Variants in RCCD1 observed in about 807,000 individuals in gnomAD.
RCCD1 encodes the protein RCC1 domain containing 1, also known as RCC1 domain-containing protein 1.
Under a neutral mutation model 37.6 loss-of-function variants are expected in RCCD1, and 40 were observed. The ratio of observed to expected loss-of-function variants is 1.06; its 90% CI spans 0.83 to 1.39. RCCD1 has a LOEUF of 1.39. RCCD1 is among the 40% of genes most tolerant of loss of function. The pLI is 0.00. For missense variants in RCCD1, 577 were observed against 517.3 expected, an observed-to-expected ratio of 1.12 and a Z score of -1.12; for synonymous variants, 263 against 230.0, an observed-to-expected ratio of 1.14 and a Z score of -1.30.
At chr15:90,960,606 C>A (rs1180550101) in intron 6 of RCCD1, 108 bp downstream of exon 6, 17 of 1,052,782 alleles carry the variant, frequency 1.6e-5, no homozygotes, top group Non-Finnish European at 2.3e-5. Flanking sequence ...TCATACAGAG[C>A]AGCTACCTTG....
intron 6 of RCCD1, 180 bp from the exon 7 acceptor site, chr15:90,960,845 C>T (rs962406862): frequency 1.4e-6 from 1 of 702,964 alleles, no homozygotes; most frequent in Middle Eastern, 2.9e-4. Flanking sequence ...CACTTTTTCC[C>T]TCGGGATCCT....
chr15:90,956,557 G>A (rs2037197233), intron 1 of RCCD1, 55 bp from the exon 2 acceptor site: 1 of 552,464 alleles, frequency 1.8e-6, no homozygotes, highest in East Asian at 3.5e-5. Context: ...GCGAACCTTC[G>A]TGGCACGGAC....
Position 90,960,514 on chromosome 15 carries a change from A to T in RCCD1, c.949+16A>T, listed in dbSNP as rs778037341. The T allele has an allele frequency of 3.6e-5, 57 of 1,600,830 alleles. No individual in the cohort carries two copies. The highest frequency in any genetic ancestry group is 4.8e-5 in the Non-Finnish European group (56 of 1,177,006). ...GTGGTGACACGTGAGTGGGGCTGGG[A>T]GGCACTCTGCTCCACTCGAGCTGGT... On this transcript the variant is annotated intron_variant, in intron 6 of 7. Transcript: ENST00000394258.
In RCCD1 at chr15:90,961,781, A is replaced by T; in HGVS notation, c.*12A>T. On this transcript the variant is annotated 3_prime_UTR_variant, in exon 8 of 8. Transcript: ENST00000394258. Reference sequence around the variant, plus strand: ...AAGGGAAGAGCTGACATGTGTACGTATATGTATATGCAACACCTGTGAGAC... The same window carrying T: ...AAGGGAAGAGCTGACATGTGTACGTTTATGTATATGCAACACCTGTGAGAC... 6.2e-7 allele frequency: 1 copy of T among 1,611,074 alleles called. No individual in the cohort carries two copies. The highest frequency in any genetic ancestry group is 1.3e-5 in the African/African-American group (1 of 74,934).
chr15:90,960,801 G>A (rs1188906346), intron 6 of RCCD1: 5 of 649,152 alleles, frequency 7.7e-6, no homozygotes, highest in South Asian at 1.8e-5. Flanking sequence ...GGAAGACTGC[G>A]GCGCTCGGTA....
Position 90,961,348 on chromosome 15 carries a change from C to G in RCCD1, c.980-270C>G, listed in dbSNP as rs181149927. ...AAAGCAGCTTTTTGTGGATGTGACA[C>G]TGGGTGGAGAAAAAGATTCGATGGA... On this transcript the variant is annotated intron_variant, in intron 7 of 7. Transcript: ENST00000394258. 1.2e-4 allele frequency: 69 copies of G among 580,944 alleles called. No homozygotes were observed. The African/African-American group carries it at 1.3e-3, about 11-fold the overall frequency. 36.0% of individuals were successfully genotyped at this position (580,944 alleles called of 1,614,324 possible).
At position 90,961,046 on chromosome 15, in the gene RCCD1, G is replaced by A; in HGVS notation, c.971G>A (p.Trp324Ter). 6.2e-7 allele frequency: 1 copy of A among 1,613,834 alleles called. No homozygotes were observed. Among genetic ancestry groups the A allele is most frequent in the African/African-American group, 1.3e-5 (1 of 75,008 alleles). The stretch of plus-strand genomic sequence containing the variant: ...TCAGGAACAGGGGAGCTCTACACCT[G>A]GGGCTGGGGTAAGTAAAAGGATTGT... ...VVTRTGELYTWGWGKYGQLGH... is the reference protein window; with the variant it reads ...VVTRTGELYT Residue 324 changes from tryptophan (W) to a stop codon, truncating the protein, a stop_gained, in exon 7 of 8, where the codon TGG (tryptophan) becomes TAG (stop). Transcript: ENST00000394258. LOFTEE classifies it high-confidence loss of function.
rs2037318779 is a variant in RCCD1, at chr15:90,961,715, C to T, written c.1077C>T (p.Val359=). Reference sequence around the variant, plus strand: ...ATAAGCAACTCCAAGTAAAGGCTGTCACCTGTGGGCCGTGGAACACCTACG... The same window carrying T: ...ATAAGCAACTCCAAGTAAAGGCTGTTACCTGTGGGCCGTGGAACACCTACG... ...FVDKQLQVKA[V]TCGPWNTYVY... Residue 359 remains valine (V), a synonymous_variant, in exon 8 of 8, where the codon GTC becomes GTT. Coordinates refer to ENST00000394258, the MANE Select transcript of RCCD1 (RefSeq NM_001017919.2). 6 of 1,614,118 alleles carry T rather than the reference C, an allele frequency of 3.7e-6. No homozygotes were observed. Among genetic ancestry groups the T allele is most frequent in the Non-Finnish European group, 5.1e-6 (6 of 1,180,000 alleles).
intron 5 of RCCD1, 134 bp from the exon 6 acceptor site, chr15:90,960,194 T>C: frequency 9.9e-7 from 1 of 1,006,744 alleles, no homozygotes; most frequent in South Asian, 1.6e-5. Context: ...GCCTGCAGAA[T>C]GTAGGGGTTG....
chr15:90,958,825 G>A (rs2037256109), intron 4 of RCCD1, among the ~76,000 whole-genome samples: 2 of 151,442 alleles, frequency 1.3e-5, no homozygotes, highest in African/African-American at 2.4e-5. Flanking sequence ...CCAGCTACTC[G>A]GGAGGCTGAG....
chr15:90,960,288 G>A (rs746951422), intron 5 of RCCD1, 40 bp from the exon 6 acceptor site: 7 of 1,553,204 alleles, frequency 4.5e-6, no homozygotes, highest in Admixed American at 3.7e-5. Flanking sequence ...ATTTAGCTCA[G>A]GGCTCAGTTG....
At position 90,957,665 on chromosome 15, in the gene RCCD1, T is replaced by C. The variant is rs370727106; in HGVS notation, c.619T>C (p.Leu207=). Residue 207 remains leucine, a synonymous_variant, in exon 4 of 8, where the codon TTG becomes CTG. Transcript: ENST00000394258. ...AELEPRLLEA[L]QGLVMAEVAA... ...GCTGGAGCCACGGCTGTTGGAGGCG[T>C]TGCAGGGCCTAGTCATGGCTGAGGT... 8.7e-6 allele frequency: 14 copies of C among 1,614,092 alleles called. No homozygotes were observed. Among genetic ancestry groups the C allele is most frequent in the East Asian group, 4.5e-5 (2 of 44,884 alleles).
In RCCD1 at chr15:90,961,773, G is replaced by T; in HGVS notation, c.*4G>T. 6.2e-7 allele frequency: 1 copy of T among 1,606,716 alleles called. No homozygotes were observed. Among genetic ancestry groups the T allele is most frequent in the African/African-American group, 1.5e-5 (1 of 68,670 alleles). On this transcript the variant is annotated 3_prime_UTR_variant, in exon 8 of 8. Coordinates refer to ENST00000394258, the MANE Select transcript of RCCD1 (RefSeq NM_001017919.2). ...TGTGGAGAAAGGGAAGAGCTGACAT[G>T]TGTACGTATATGTATATGCAACACC...
intron 6 of RCCD1, 66 bp downstream of exon 6, chr15:90,960,564 C>T (rs774360033): frequency 1.1e-4 from 167 of 1,486,534 alleles, no homozygotes; most frequent in Non-Finnish European, 1.3e-4. Context: ...GTGTGGTCGA[C>T]GGAAAAACTT....
rs553108069 is a variant in RCCD1, at chr15:90,957,701, G to A, written c.655G>A (p.Gly219Ser). The A allele has an allele frequency of 4.3e-6, 7 of 1,612,582 alleles. No homozygotes were observed. The highest frequency in any genetic ancestry group is 2.2e-5 in the East Asian group (1 of 44,858). ...GLVMAEVAAG[G>S]WHSVCVSETG... is the part of the protein sequence containing the mutation. ...AGTCATGGCTGAGGTGGCCGCGGGG[G>A]GCTGGCATTCTGTGTGTGTGAGTGG... Residue 219 changes from glycine to serine, a missense_variant, in exon 4 of 8, where the codon GGC (glycine) becomes AGC (serine). Gly to Ser is a moderately conservative substitution (Grantham distance 56). Coordinates refer to ENST00000394258, the MANE Select transcript of RCCD1 (RefSeq NM_001017919.2).
rs908336325 is a variant in RCCD1 at position 90,962,297 on chromosome 15, A to G, written c.*528A>G. The G allele has an allele frequency of 2.0e-5, 3 of 152,894 alleles. No individual in the cohort carries two copies. The highest frequency in any genetic ancestry group is 7.2e-5 in the African/African-American group (3 of 41,444). 9.5% of individuals were successfully genotyped at this position (152,894 alleles called of 1,614,324 possible). ...TGTTGGGTCCTGGAGTTCATTTTTA[A>G]TGCTATATGGTGTTCTGTTGTATGA... On this transcript the variant is annotated 3_prime_UTR_variant, in exon 8 of 8. Coordinates refer to ENST00000394258, the MANE Select transcript of RCCD1 (RefSeq NM_001017919.2).
In RCCD1 at chr15:90,957,317, A is replaced by G; in HGVS notation, c.371A>G (p.Asp124Gly). The change falls in exon 3 of 8, where the codon GAT (aspartate) becomes GGT (glycine). Residue 124 changes from aspartate to glycine, a missense_variant. Coordinates refer to ENST00000394258, the MANE Select transcript of RCCD1 (RefSeq NM_001017919.2). ...NVVPEAEGED[D>G]PAGEAQAGRL... ...GTGCCCGAGGCCGAAGGGGAAGACG[A>G]TCCGGCCGGTGAGGCCCAGGCTGGG... 6.5e-7 allele frequency: 1 copy of G among 1,540,708 alleles called. No homozygotes were observed. The highest frequency in any genetic ancestry group is 8.8e-7 in the Non-Finnish European group (1 of 1,141,680).
chr15:90,959,999 G>A lies in RCCD1; in HGVS notation c.778+1G>A. On this transcript the variant is annotated splice_donor_variant, in intron 5 of 7. Transcript: ENST00000394258. LOFTEE classifies it high-confidence loss of function. ...GATGGAGAGACTGTCGCAAGGGAAG[G>A]TGAGGGTCATCTCGGCTCCCACAGC... 6.2e-7 allele frequency: 1 copy of A among 1,610,804 alleles called. No individual in the cohort carries two copies. Among genetic ancestry groups the A allele is most frequent in the East Asian group, 2.2e-5 (1 of 44,842 alleles).
chr15:90,957,769 C>A, intron 4 of RCCD1, 44 bp downstream of exon 4: 1 of 1,552,264 alleles, frequency 6.4e-7, no homozygotes, highest in Admixed American at 1.9e-5. Flanking sequence ...TGATCTTGTG[C>A]AAACCTTCCT....
Sources: allele counts gnomAD v4.1 joint callset (sites outside exome capture counted in the v4.1 genomes callset), GRCh38; gene constraint gnomAD v4.1.1; transcripts MANE v1.5; gene names NCBI Gene and HGNC (gene_info 2026-07-23, HGNC 2026-07-21).